Variants in G3BP2 observed in about 807,000 individuals in gnomAD.
G3BP2 encodes G3BP stress granule assembly factor 2, also known as ras GTPase-activating protein-binding protein 2.
Under a neutral mutation model 56.7 loss-of-function variants are expected in G3BP2, and 11 were observed. The observed-to-expected ratio is 0.19, with a 90% CI of 0.12 to 0.32. G3BP2 has a LOEUF of 0.32. G3BP2 is among the 10% of genes least tolerant of loss of function. G3BP2 has a pLI of 1.00. For missense variants in G3BP2, 340 were observed against 610.9 expected (o/e 0.56, Z 4.67); for synonymous variants, 165 against 191.6 (o/e 0.86, Z 1.15).
At chr4:75,686,888 T>C (rs995860169) in intron 3 of G3BP2, among the ~76,000 whole-genome samples, 1 of 152,200 alleles carries the variant, frequency 6.6e-6, no homozygotes, top group African/African-American at 2.4e-5. Flanking sequence ...ATAGTCTGCA[T>C]TTCCTCCCTA....
intron 3 of G3BP2, among the ~76,000 whole-genome samples, chr4:75,699,348 A>T (rs545737562): frequency 1.9e-4 from 29 of 152,302 alleles, no homozygotes; most frequent in Admixed American, 1.9e-3. Context: ...ATCCTTTTTG[A>T]ACCCACTTCA....
At chr4:75,689,392 T>G (rs1452299949) in intron 3 of G3BP2, among the ~76,000 whole-genome samples, 55 of 150,628 alleles carry the variant, frequency 3.7e-4, no homozygotes, top group African/African-American at 1.3e-3. Flanking sequence ...AAAAAAAAAG[T>G]AGTTCCCAAA....
chr4:75,697,327 G>T (rs1311657205), intron 3 of G3BP2, among the ~76,000 whole-genome samples: 2 of 139,398 alleles, frequency 1.4e-5, no homozygotes, highest in African/African-American at 5.2e-5. Flanking sequence ...GTGTTTTGTT[G>T]AAATACTTAT....
At chr4:75,685,007 G>T (rs962982225) in intron 3 of G3BP2, among the ~76,000 whole-genome samples, 6 of 151,958 alleles carry the variant, frequency 3.9e-5, no homozygotes, top group Non-Finnish European at 8.8e-5. Context: ...ACCTCAGTTT[G>T]TCATAACTGT....
At chr4:75,697,982 T>G (rs1446102336) in intron 3 of G3BP2, among the ~76,000 whole-genome samples, 2 of 152,232 alleles carry the variant, frequency 1.3e-5, no homozygotes, top group Admixed American at 6.5e-5. Flanking sequence ...AAACAACCAC[T>G]TATACATTTT....
chr4:75,677,479 G>T (rs181127373), upstream of G3BP2, among the ~76,000 whole-genome samples: 1 of 152,184 alleles, frequency 6.6e-6, no homozygotes, highest in Admixed American at 6.6e-5. Context: ...GCTGAGGCAG[G>T]AGAATCACTT....
Position 75,673,380 on chromosome 4 carries a change from G to A in G3BP2, c.-197C>T. 2.4e-6 allele frequency: 3 copies of A among 1,232,096 alleles called. No homozygotes were observed. The highest frequency in any genetic ancestry group is 4.2e-5 in the Admixed American group (1 of 23,724). The allele number at this position is 1,232,096 out of a possible 1,614,324, so 76.3% of individuals were successfully genotyped here. On this transcript the variant is annotated 5_prime_UTR_variant, in exon 1 of 12. Transcript: ENST00000359707. ...CACAACCACCTCTTCCCGGGCGCCA[G>A]GCGCTGCGACGTGCGACAAGGACCA...
At chr4:75,665,218 T>C (rs981335633) in intron 1 of G3BP2, among the ~76,000 whole-genome samples, 1 of 152,170 alleles carries the variant, frequency 6.6e-6, no homozygotes, top group African/African-American at 2.4e-5. Flanking sequence ...TTTCTTCCTT[T>C]CCAACAAACT....
In G3BP2 at chr4:75,643,315, A is replaced by ATATATATATATATATATATATG. The variant is rs1166357883; in HGVS notation, c.*2114_*2115insCATATATATATATATATATATA. 1 of 135,606 alleles carries ATATATATATATATATATATATG rather than the reference A, an allele frequency of 7.4e-6. No homozygotes were observed. Among genetic ancestry groups the ATATATATATATATATATATATG allele is most frequent in the South Asian group, 2.3e-4 (1 of 4,442 alleles). The allele number at this position is 135,606 out of a possible 1,614,324, so 8.4% of individuals were successfully genotyped here. A position where few individuals can be genotyped will look rare whatever the true frequency, so the allele number is the denominator to read the frequency against. ...GGAAATTATATATATATATATATAT[A>ATATATATATATATATATATATG]TGGAAACAGAAATACAAGAAAATAT... On this transcript the variant is annotated 3_prime_UTR_variant, in exon 12 of 12. Coordinates refer to ENST00000359707, the MANE Select transcript of G3BP2 (RefSeq NM_203505.3).
intron 2 of G3BP2, among the ~76,000 whole-genome samples, chr4:75,659,873 T>C (rs776252051): frequency 2.0e-5 from 3 of 152,216 alleles, no homozygotes; most frequent in Non-Finnish European, 4.4e-5. Context: ...TCTCATGTAC[T>C]ACTGGCAATG....
At chr4:75,647,805 T>G (rs1231207171) in intron 9 of G3BP2, among the ~76,000 whole-genome samples, 3 of 152,210 alleles carry the variant, frequency 2.0e-5, no homozygotes, top group African/African-American at 7.2e-5. Flanking sequence ...TGGTAACATA[T>G]CACTTTAAAA....
chr4:75,671,984 C>CT (rs1733522272), intron 1 of G3BP2, among the ~76,000 whole-genome samples: 1 of 152,198 alleles, frequency 6.6e-6, no homozygotes, highest in Non-Finnish European at 1.5e-5. Flanking sequence ...CCGGGGCTCT[C>CT]TTAACGACAG....
intron 3 of G3BP2, among the ~76,000 whole-genome samples, chr4:75,705,205 C>G (rs1719500190): frequency 6.6e-6 from 1 of 152,178 alleles, no homozygotes; most frequent in African/African-American, 2.4e-5. Flanking sequence ...GGCTCAGGTC[C>G]ATTAAACTGC....
chr4:75,702,928 A>T (rs1209691573), intron 3 of G3BP2, among the ~76,000 whole-genome samples: 1 of 152,216 alleles, frequency 6.6e-6, no homozygotes, highest in Non-Finnish European at 1.5e-5. Context: ...TGGATGCATT[A>T]TCTGGGGCAA....
chr4:75,670,097 G>A (rs942535647), intron 1 of G3BP2, among the ~76,000 whole-genome samples: 4 of 152,186 alleles, frequency 2.6e-5, no homozygotes, highest in African/African-American at 9.7e-5. Flanking sequence ...TCTAGTAATA[G>A]GAGGCAGTTC....
At chr4:75,688,169 CTTTT>C (rs35480601) in intron 3 of G3BP2, among the ~76,000 whole-genome samples, 2 of 147,486 alleles carry the variant, frequency 1.4e-5, no homozygotes, top group African/African-American at 5.0e-5. Flanking sequence ...TGCCTTCCTT[CTTTT>C]TTTTTTTAAT....
chr4:75,723,731 A>C (rs1270431333), intron 1 of G3BP2, among the ~76,000 whole-genome samples: 5 of 152,172 alleles, frequency 3.3e-5, no homozygotes, highest in African/African-American at 4.8e-5. Flanking sequence ...GCTGAATCTG[A>C]GACCTGTGGG....
intron 3 of G3BP2, among the ~76,000 whole-genome samples, chr4:75,691,668 C>T (rs1047529187): frequency 3.9e-5 from 6 of 152,154 alleles, no homozygotes; most frequent in East Asian, 3.8e-4. Flanking sequence ...GGGATGAATA[C>T]GGTGATTCCC....
chr4:75,673,477 C>A, upstream of G3BP2: 2 of 1,232,294 alleles, frequency 1.6e-6, no homozygotes, highest in Non-Finnish European at 2.0e-6. Flanking sequence ...AGGGAACCCC[C>A]GAGCACAGCG....
Sources: gnomAD v4.1 joint callset for allele counts (sites outside exome capture counted in the v4.1 genomes callset) on GRCh38, gnomAD v4.1.1 for gene constraint, MANE v1.5 for transcripts, NCBI Gene and HGNC (gene_info 2026-07-23, HGNC 2026-07-21) for gene names.